WHAMM: variants seen among roughly 807,000 people sequenced by gnomAD.
WHAMM encodes the protein WASP homolog associated with actin, golgi membranes and microtubules.
A neutral mutation model predicts 76.5 loss-of-function variants in WHAMM; 67 were observed. The observed-to-expected ratio is 0.88, with a 90% CI of 0.72 to 1.07. The LOEUF is 1.07. WHAMM is among the 50% of genes least tolerant of loss of function. The probability of loss-of-function intolerance (pLI) is 0.00; values close to 1 mark genes in which losing one functional copy is unlikely to be tolerated. For missense variants in WHAMM, 1,021 were observed against 1,051.1 expected, an observed-to-expected ratio of 0.97 and a Z score of 0.40; for synonymous variants, 419 against 422.1, an observed-to-expected ratio of 0.99 and a Z score of 0.09.
rs376738762 is a variant in WHAMM at position 82,833,217 on chromosome 15, A to G, written c.2123-12A>G. Reference sequence around the variant, plus strand: ...TTTATTGATAGTACTAGCTCTGCTTATTCAATTTCAGGATCTATGGATGAA... The same window carrying G: ...TTTATTGATAGTACTAGCTCTGCTTGTTCAATTTCAGGATCTATGGATGAA... On this transcript the variant is annotated splice_polypyrimidine_tract_variant and intron_variant, in intron 9 of 9. Coordinates refer to ENST00000286760, the MANE Select transcript of WHAMM (RefSeq NM_001080435.3). 4.3e-6 allele frequency: 7 copies of G among 1,611,188 alleles called. No homozygotes were observed. The highest frequency in any genetic ancestry group is 5.1e-6 in the Non-Finnish European group (6 of 1,178,466).
intron 2 of WHAMM, among the ~76,000 whole-genome samples, chr15:82,815,155 A>ATATATATATATG (rs55807384): frequency 6.5e-5 from 3 of 46,134 alleles, no homozygotes; most frequent in South Asian, 1.2e-3. Flanking sequence ...ATATATATAT[A>ATATATATATATG]GTACAATTCA....
chr15:82,830,418 C>CT (rs1268218355), intron 8 of WHAMM, among the ~76,000 whole-genome samples, 181 bp from the exon 9 acceptor site: 1 of 151,760 alleles, frequency 6.6e-6, no homozygotes, highest in East Asian at 1.9e-4. Flanking sequence ...AAATGCTTAT[C>CT]TTTTTTTTAA....
At position 82,809,693 on chromosome 15, in the gene WHAMM, C is replaced by G; in HGVS notation, c.-34C>G. 1 of 1,350,936 alleles carries G rather than the reference C, an allele frequency of 7.4e-7. No homozygotes were observed. The highest frequency in any genetic ancestry group is 9.6e-7 in the Non-Finnish European group (1 of 1,042,994). The allele number at this position is 1,350,936 out of a possible 1,614,324, so 83.7% of individuals were successfully genotyped here. On this transcript the variant is annotated 5_prime_UTR_variant, in exon 1 of 10. Coordinates refer to ENST00000286760, the MANE Select transcript of WHAMM (RefSeq NM_001080435.3). ...CGGTGCGAGGAGGCCAGGCCCGCGC[C>G]CGCCGAGCCCTAGGGCCGCTGCTGC...
intron 2 of WHAMM, among the ~76,000 whole-genome samples, chr15:82,815,134 TATATATATATATATATATATA>T (rs1285136098): frequency 0.034 from 1,155 of 33,610 alleles, 94 homozygotes; most frequent in East Asian, 0.2. Flanking sequence ...TATATATATA[TATATATATATATATATATATA>T]GTACAATTCA....
At chr15:82,830,117 A>T (rs896284304) in intron 8 of WHAMM, among the ~76,000 whole-genome samples, 2 of 151,010 alleles carry the variant, frequency 1.3e-5, no homozygotes, top group Non-Finnish European at 2.9e-5. Flanking sequence ...ATACTATTTT[A>T]TATCTGGTTT....
In WHAMM at chr15:82,809,929, A is replaced by C. The variant is rs1415956423; in HGVS notation, c.203A>C (p.Lys68Thr). ...GARLGPEPEPKPEAAVSPSSW... is the reference protein window; with the variant it reads ...GARLGPEPEPTPEAAVSPSSW... ...CGGTTGGGGCCCGAGCCCGAGCCCA[A>C]GCCTGAGGCCGCCGTCTCCCCGTCC... The change falls in exon 1 of 10, where the codon AAG (lysine) becomes ACG (threonine). Residue 68 changes from lysine (K) to threonine (T), a missense_variant. This residue lies in a region of WHAMM where 501 missense variants were observed against 524.9 expected (regional missense o/e 0.95). Coordinates refer to ENST00000286760, the MANE Select transcript of WHAMM (RefSeq NM_001080435.3). 14 of 1,457,056 alleles carry C rather than the reference A, an allele frequency of 9.6e-6. No individual in the cohort carries two copies. Among genetic ancestry groups the C allele is most frequent in the Non-Finnish European group, 1.2e-5 (13 of 1,099,422 alleles). The allele number at this position is 1,457,056 out of a possible 1,614,324, so 90.3% of individuals were successfully genotyped here.
chr15:82,810,739 C>T (rs1566990190), intron 1 of WHAMM: 1 of 985,358 alleles, frequency 1.0e-6, no homozygotes, highest in Non-Finnish European at 1.2e-6. Flanking sequence ...GAGGGGACGT[C>T]GCAAATGGGA....
At position 82,833,579 on chromosome 15, in the gene WHAMM, A is replaced by G; in HGVS notation, c.*43A>G. 1.3e-6 allele frequency: 2 copies of G among 1,597,646 alleles called. No individual in the cohort carries two copies. The highest frequency in any genetic ancestry group is 1.7e-6 in the Non-Finnish European group (2 of 1,173,162). ...GCACCTGCCACAGTAGGCTTGAATAAAGTGGGTGAGTCTTAGACCTATCGA... is the reference window on the plus strand; with the variant it reads ...GCACCTGCCACAGTAGGCTTGAATAGAGTGGGTGAGTCTTAGACCTATCGA... On this transcript the variant is annotated 3_prime_UTR_variant, in exon 10 of 10. Coordinates refer to ENST00000286760, the MANE Select transcript of WHAMM (RefSeq NM_001080435.3).
At chr15:82,818,145 A>T (rs981614055) in intron 4 of WHAMM, 56 bp downstream of exon 4, 6 of 1,505,142 alleles carry the variant, frequency 4.0e-6, no homozygotes, top group Non-Finnish European at 5.4e-6. Context: ...TTTTTAAAAC[A>T]TTTTGTATAA....
chr15:82,810,024 C>A lies in WHAMM; in HGVS notation c.298C>A (p.Pro100Thr). 1.6e-6 allele frequency: 2 copies of A among 1,242,304 alleles called. No homozygotes were observed. Among genetic ancestry groups the A allele is most frequent in the Non-Finnish European group, 2.0e-6 (2 of 996,148 alleles). 77.0% of individuals were successfully genotyped at this position (1,242,304 alleles called of 1,614,324 possible). Residue 100 changes from proline to threonine, a missense_variant, in exon 1 of 10, where the codon CCT becomes ACT. Pro to Thr is a conservative substitution (Grantham distance 38). This residue lies in a region of WHAMM where 501 missense variants were observed against 524.9 expected (regional missense o/e 0.95). Transcript: ENST00000286760. ...CCGGCAGTTGGCGGCGCTGTGGCCG[C>A]CTCTGGAGCGCTGCTTCCCGCGGCT... ...AHRQLAALWP[P>T]LERCFPRLPP...
Position 82,833,355 on chromosome 15 carries a change from G to T in WHAMM, c.2249G>T (p.Gly750Val), listed in dbSNP as rs1158723900. 1 of 1,613,900 alleles carries T rather than the reference G, an allele frequency of 6.2e-7. No individual in the cohort carries two copies. Among genetic ancestry groups the T allele is most frequent in the African/African-American group, 1.3e-5 (1 of 74,926 alleles). The part of the protein sequence containing the change: ...NEHILAAIRQ[G>V]VKLKKVHPDL... ...CACATTCTGGCTGCCATAAGGCAAG[G>T]GGTCAAACTGAAGAAAGTTCACCCT... Residue 750 changes from glycine to valine, a missense_variant, in exon 10 of 10, where the codon GGG becomes GTG. Coordinates refer to ENST00000286760, the MANE Select transcript of WHAMM (RefSeq NM_001080435.3).
Position 82,833,209 on chromosome 15 carries a change from C to T in WHAMM, c.2123-20C>T. On this transcript the variant is annotated intron_variant, in intron 9 of 9. Transcript: ENST00000286760. ...GAAAGTGTTTTATTGATAGTACTAG[C>T]TCTGCTTATTCAATTTCAGGATCTA... 1 of 1,608,538 alleles carries T rather than the reference C, an allele frequency of 6.2e-7. No individual in the cohort carries two copies.
chr15:82,821,928 T>A (rs2050835412), intron 5 of WHAMM, among the ~76,000 whole-genome samples: 1 of 152,234 alleles, frequency 6.6e-6, no homozygotes, highest in Non-Finnish European at 1.5e-5. Context: ...AACTTTTAGT[T>A]TAATCCTGAG....
At chr15:82,824,847 T>C (rs1191883860) in intron 6 of WHAMM, among the ~76,000 whole-genome samples, 3 of 152,228 alleles carry the variant, frequency 2.0e-5, no homozygotes, top group African/African-American at 7.2e-5. Context: ...TACTCTTCCA[T>C]GTAAATACAA....
At chr15:82,825,075 T>G (rs1416554624) in intron 6 of WHAMM, among the ~76,000 whole-genome samples, 1 of 152,096 alleles carries the variant, frequency 6.6e-6, no homozygotes, top group African/African-American at 2.4e-5. Context: ...CAGTGAGCTA[T>G]GATTGTACCA....
chr15:82,830,997 G>A lies in WHAMM; in HGVS notation c.2040G>A (p.Val680=), dbSNP rs1356186191. 2.5e-6 allele frequency: 4 copies of A among 1,609,444 alleles called. No homozygotes were observed. In the Admixed American group the frequency reaches 6.7e-5, roughly 27 times the overall value. Residue 680 remains valine (V), a synonymous_variant, in exon 9 of 10, where the codon GTG becomes GTA. Coordinates refer to ENST00000286760, the MANE Select transcript of WHAMM (RefSeq NM_001080435.3). The part of the protein sequence containing the change: ...THQNLGFRAP[V]KDDQPRPLVC... ...AGAACTTAGGCTTCCGGGCTCCAGT[G>A]AAAGATGACCAGCCACGTCCTCTAG...
chr15:82,831,180 A>G (rs1181419751), intron 9 of WHAMM, 101 bp downstream of exon 9: 6 of 1,507,916 alleles, frequency 4.0e-6, no homozygotes, highest in Non-Finnish European at 2.6e-6. Context: ...TCATTTTTAT[A>G]ATTCTCTATA....
At chr15:82,823,809 G>A (rs1386207104) in intron 6 of WHAMM, among the ~76,000 whole-genome samples, 9 of 152,146 alleles carry the variant, frequency 5.9e-5, no homozygotes, top group Admixed American at 3.9e-4. Context: ...CAAGTGATCC[G>A]CCCACCTTGG....
chr15:82,811,497 C>G (rs2151555226), intron 1 of WHAMM, among the ~76,000 whole-genome samples: 1 of 152,230 alleles, frequency 6.6e-6, no homozygotes, highest in Non-Finnish European at 1.5e-5. Context: ...TTATAGTTTT[C>G]CCAAATTTAA....
Sources: gnomAD v4.1 joint callset for allele counts (sites outside exome capture counted in the v4.1 genomes callset) on GRCh38, gnomAD v4.1.1 for gene constraint, gnomAD v4.1.1 regional missense constraint, MANE v1.5 for transcripts, NCBI Gene and HGNC (gene_info 2026-07-23, HGNC 2026-07-21) for gene names.